CASP6: variants seen among roughly 807,000 people sequenced by gnomAD.
CASP6 encodes caspase-6.
A neutral mutation model predicts 31.8 loss-of-function variants in CASP6; 20 were observed. The ratio of observed to expected loss-of-function variants is 0.63; its 90% CI spans 0.44 to 0.91. The LOEUF (loss-of-function observed/expected upper bound fraction) is 0.91. CASP6 is among the 40% of genes least tolerant of loss of function. The probability of loss-of-function intolerance (pLI) is 0.00; values close to 1 mark genes in which losing one functional copy is unlikely to be tolerated. For synonymous variants in CASP6, 130 were observed against 127.8 expected, an observed-to-expected ratio of 1.02 and a Z score of -0.12; for missense variants, 328 against 361.1, an observed-to-expected ratio of 0.91 and a Z score of 0.74.
chr4:109,697,517 T>C, intron 3 of CASP6, 105 bp downstream of exon 3: 1 of 1,328,034 alleles, frequency 7.5e-7, no homozygotes, highest in Middle Eastern at 2.4e-4. Flanking sequence ...TCCTCCCACC[T>C]TGGCTTCCCA....
Position 109,689,567 on chromosome 4 carries a change from T to G in CASP6, c.645A>C (p.Gly215=). 1 of 1,612,274 alleles carries G rather than the reference T, an allele frequency of 6.2e-7. No homozygotes were observed. Among genetic ancestry groups the G allele is most frequent in the East Asian group, 2.2e-5 (1 of 44,848 alleles). ...DFLMCYSVAE[G]YYSHRETVNG... ...TCACAGTTTCCCGGTGAGAATAATA[T>G]CCTAAAAAAGTGAGAAGGAAAATGT... is the stretch of plus-strand genomic sequence containing the variant. The change falls in exon 7 of 7, where the codon GGA becomes GGC. Residue 215 remains glycine (G), a splice_region_variant and synonymous_variant. Transcript: ENST00000265164.
upstream of CASP6, among the ~76,000 whole-genome samples, chr4:109,703,914 T>C (rs1730520024): frequency 6.6e-6 from 1 of 152,242 alleles, no homozygotes; most frequent in Admixed American, 6.5e-5. Flanking sequence ...GTGTCACATT[T>C]TGGTACTCTC....
chr4:109,706,330 G>A (rs999123261), upstream of CASP6, among the ~76,000 whole-genome samples: 2 of 151,540 alleles, frequency 1.3e-5, no homozygotes, highest in South Asian at 4.2e-4. Flanking sequence ...GGCAGAAGTA[G>A]CAAGACAAAT....
chr4:109,706,156 T>TATATATATATAC (rs1561266872), upstream of CASP6, among the ~76,000 whole-genome samples: 1 of 92,418 alleles, frequency 1.1e-5, no homozygotes, highest in African/African-American at 6.3e-5. Flanking sequence ...TATATATATA[T>TATATATATATAC]ATATATATAT....
the CASP6 span, chr4:109,674,190 A>G: frequency 2.4e-6 from 2 of 831,320 alleles, no homozygotes; most frequent in Non-Finnish European, 4.3e-6. Flanking sequence ...GAAGTTACCT[A>G]TTATTGTTGG....
chr4:109,690,626 G>A (rs1267939603), intron 6 of CASP6, among the ~76,000 whole-genome samples: 3 of 152,020 alleles, frequency 2.0e-5, no homozygotes, highest in Non-Finnish European at 4.4e-5. Flanking sequence ...TAATTAGACT[G>A]TTGCTTTACT....
At chr4:109,678,369 C>T in the CASP6 span, among the ~76,000 whole-genome samples, 11 of 151,780 alleles carry the variant, frequency 7.2e-5, no homozygotes, top group South Asian at 6.2e-4. Flanking sequence ...GTGGGGCGGC[C>T]GGGCAGAGGC....
chr4:109,698,126 C>A (rs1381903205), intron 2 of CASP6, among the ~76,000 whole-genome samples, 174 bp downstream of exon 2: 2 of 152,164 alleles, frequency 1.3e-5, no homozygotes, highest in Non-Finnish European at 2.9e-5. Flanking sequence ...CCGGGTCCCT[C>A]GACAACCAGG....
In CASP6 at chr4:109,698,347, T is replaced by TA. The variant is rs1379832152; in HGVS notation, c.41-6dup. 1 of 1,608,882 alleles carries TA rather than the reference T, an allele frequency of 6.2e-7. No individual in the cohort carries two copies. The highest frequency in any genetic ancestry group is 1.1e-5 in the South Asian group (1 of 89,896). ...CTGTCATGTTTTCTTCCCCACCTAT[T>TA]AAAAAAAGTTGATTTTTGTTAATTA... On this transcript the variant is annotated splice_region_variant and splice_polypyrimidine_tract_variant and intron_variant, in intron 1 of 6. Coordinates refer to ENST00000265164, the MANE Select transcript of CASP6 (RefSeq NM_001226.4).
At chr4:109,708,706 T>G in the CASP6 span, among the ~76,000 whole-genome samples, 2 of 152,218 alleles carry the variant, frequency 1.3e-5, no homozygotes, top group Admixed American at 6.5e-5. Flanking sequence ...TCCATAAGTA[T>G]CTTATTATCT....
downstream of CASP6, chr4:109,687,600 G>GT (rs1445999787): frequency 2.5e-6 from 4 of 1,575,256 alleles, no homozygotes; most frequent in Non-Finnish European, 3.5e-6. Context: ...TAATCTTACA[G>GT]TTTTAAATGT....
downstream of CASP6, chr4:109,687,537 C>T (rs781302533): frequency 1.5e-5 from 24 of 1,611,894 alleles, no homozygotes; most frequent in South Asian, 8.8e-5. Context: ...CTGAAACAGG[C>T]GCGTCATTCT....
upstream of CASP6, among the ~76,000 whole-genome samples, chr4:109,704,384 A>C (rs556874154): frequency 2.0e-5 from 3 of 152,260 alleles, no homozygotes; most frequent in Admixed American, 6.5e-5. Context: ...TAAACACACA[A>C]AAGACAATAA....
chr4:109,679,566 G>A, the CASP6 span, among the ~76,000 whole-genome samples: 8 of 152,182 alleles, frequency 5.3e-5, no homozygotes, highest in African/African-American at 1.9e-4. Context: ...AGGTTGCAGC[G>A]AGCCGAGATC....
chr4:109,684,378 T>A, downstream of CASP6: 2 of 1,349,012 alleles, frequency 1.5e-6, no homozygotes, highest in Non-Finnish European at 2.0e-6. Flanking sequence ...CCTTTTCATC[T>A]TGCTTTTTGT....
the CASP6 span, among the ~76,000 whole-genome samples, chr4:109,666,970 ATTG>A: frequency 6.6e-6 from 1 of 152,024 alleles, no homozygotes; most frequent in Admixed American, 6.6e-5. Flanking sequence ...CTTTTTAGAC[ATTG>A]TTGTATTTTA....
In CASP6 at chr4:109,694,658, A is replaced by G; in HGVS notation, c.350T>C (p.Val117Ala). Residue 117 changes from valine (V) to alanine (A), a missense_variant, in exon 5 of 7, where the codon GTC (valine) becomes GCC (alanine). Physicochemically the swap from Val to Ala is moderately conservative, Grantham distance 64. Transcript: ENST00000265164. Reference protein sequence around the residue: ...SHADADCFVCVFLSHGEGNHI... With the variant: ...SHADADCFVCAFLSHGEGNHI... ...ATTGCCTTCGCCATGGCTCAGGAAG[A>G]CACACACAAAGCAATCGGCATCTGC... The G allele has an allele frequency of 1.2e-6, 2 of 1,609,330 alleles. No homozygotes were observed. Among genetic ancestry groups the G allele is most frequent in the Non-Finnish European group, 1.7e-6 (2 of 1,178,290 alleles).
At chr4:109,664,489 G>A in the CASP6 span, 379,418 of 593,068 alleles carry the variant, frequency 0.64, 122,398 homozygotes, top group South Asian at 0.69. Flanking sequence ...CAGTGACGTC[G>A]TCATAGCTCA....
downstream of CASP6, among the ~76,000 whole-genome samples, chr4:109,686,792 C>A (rs1024294390): frequency 6.6e-6 from 1 of 152,178 alleles, no homozygotes; most frequent in African/African-American, 2.4e-5. Flanking sequence ...AGGAAGATCC[C>A]TTGAACCCAA....
Sources: gnomAD v4.1 joint callset for allele counts (sites outside exome capture counted in the v4.1 genomes callset) on GRCh38, gnomAD v4.1.1 for gene constraint, MANE v1.5 for transcripts, NCBI Gene and HGNC (gene_info 2026-07-23, HGNC 2026-07-21) for gene names.